The following GABRG2 variants were observed in gnomAD, a reference collection of about 807,000 sequenced individuals.
The protein encoded by GABRG2 is gamma-aminobutyric acid type A receptor subunit gamma2, also known as gamma-aminobutyric acid receptor subunit gamma-2.
GABRG2 carries 16 observed loss-of-function variants against 56.4 expected under a neutral mutation model. The observed-to-expected ratio is 0.28, with a 90% CI of 0.19 to 0.43. GABRG2 has a LOEUF of 0.43. GABRG2 is among the 20% of genes least tolerant of loss of function. The pLI, the probability that GABRG2 is intolerant of heterozygous loss-of-function variation, is 1.00. For missense variants in GABRG2, 327 were observed against 582.7 expected, an observed-to-expected ratio of 0.56 and a Z score of 4.52; for synonymous variants, 208 against 205.5, an observed-to-expected ratio of 1.01 and a Z score of -0.10.
intron 7 of GABRG2, among the ~76,000 whole-genome samples, chr5:162,147,185 CTCTT>C (rs1320494602): frequency 6.6e-6 from 1 of 151,866 alleles, no homozygotes; most frequent in Non-Finnish European, 1.5e-5. Flanking sequence ...GTCTCTCTAC[CTCTT>C]TCTTTCTCTT....
At chr5:162,112,272 A>G (rs1762303628) in intron 6 of GABRG2, among the ~76,000 whole-genome samples, 1 of 151,646 alleles carries the variant, frequency 6.6e-6, no homozygotes, top group South Asian at 2.1e-4. Flanking sequence ...TTTTTTTTTT[A>G]ATCCAAGTTG....
intron 1 of GABRG2, among the ~76,000 whole-genome samples, chr5:162,081,813 T>C (rs933170616): frequency 4.6e-5 from 7 of 151,970 alleles, no homozygotes; most frequent in South Asian, 2.1e-4. Context: ...ATAGCTAGTA[T>C]GAATGAAAAT....
intron 6 of GABRG2, among the ~76,000 whole-genome samples, chr5:162,113,297 G>C (rs1369883593): frequency 6.6e-6 from 1 of 152,064 alleles, no homozygotes; most frequent in African/African-American, 2.4e-5. Context: ...GTGCTTTACA[G>C]TTAACATAGA....
chr5:162,090,384 C>G (rs1760479639), intron 1 of GABRG2, among the ~76,000 whole-genome samples: 1 of 151,748 alleles, frequency 6.6e-6, no homozygotes, highest in Non-Finnish European at 1.5e-5. Context: ...TGCCACTGGT[C>G]TAACCACTCT....
intron 1 of GABRG2, among the ~76,000 whole-genome samples, chr5:162,070,827 A>G (rs2113106568): frequency 6.6e-6 from 1 of 152,106 alleles, no homozygotes; most frequent in Non-Finnish European, 1.5e-5. Context: ...TTGAATCATT[A>G]TGTCTGGGGA....
intron 6 of GABRG2, among the ~76,000 whole-genome samples, chr5:162,138,193 T>G (rs1248609666): frequency 6.6e-6 from 1 of 152,200 alleles, no homozygotes; most frequent in African/African-American, 2.4e-5. Context: ...TATTCTATAG[T>G]TTTCATTCTG....
At chr5:162,078,390 TATATA>T (rs1424163793) in intron 1 of GABRG2, among the ~76,000 whole-genome samples, 1,195 of 42,888 alleles carry the variant, frequency 0.028, 33 homozygotes, top group East Asian at 0.063. Context: ...TATATATATA[TATATA>T]TATTTTTTTT....
chr5:162,125,086 T>C (rs1426564079), intron 6 of GABRG2, among the ~76,000 whole-genome samples: 1 of 151,682 alleles, frequency 6.6e-6, no homozygotes, highest in Non-Finnish European at 1.5e-5. Flanking sequence ...CTGTCTTCAA[T>C]AGTTCTTATA....
At chr5:162,152,821 T>G (rs1045467563) in intron 9 of GABRG2, 1 of 595,580 alleles carries the variant, frequency 1.7e-6, no homozygotes, top group Non-Finnish European at 3.0e-6. Flanking sequence ...TTTAAATATT[T>G]AACTTTGAGT....
At chr5:162,100,769 T>C (rs1040233243) in intron 4 of GABRG2, among the ~76,000 whole-genome samples, 4 of 152,194 alleles carry the variant, frequency 2.6e-5, no homozygotes, top group African/African-American at 9.6e-5. Context: ...ACACTCACCT[T>C]TAGCAATTAA....
intron 1 of GABRG2, among the ~76,000 whole-genome samples, chr5:162,071,576 G>A (rs1581284955): frequency 6.6e-6 from 1 of 151,728 alleles, no homozygotes; most frequent in African/African-American, 2.4e-5. Flanking sequence ...TTTTGATGAT[G>A]TTTCTTATGA....
rs774474550 is a variant in GABRG2, at chr5:162,153,238, G to A, written c.1298G>A (p.Arg433Gln). The A allele has an allele frequency of 3.7e-6, 6 of 1,614,060 alleles. No individual in the cohort carries two copies. Among genetic ancestry groups the A allele is most frequent in the East Asian group, 2.2e-5 (1 of 44,872 alleles). Residue 433 changes from arginine (R) to glutamine (Q), a missense_variant, in exon 10 of 10, where the codon CGA (arginine) becomes CAA (glutamine). Transcript: ENST00000639213. ...TTTTTCTGCTGTTTTGAAGATTGTC[G>A]AACAGGAGCTTGGAGACATGGGAGG... ...ASFFCCFEDC[R>Q]TGAWRHGRIH...
intron 9 of GABRG2, chr5:162,151,984 A>G (rs373835838): frequency 2.4e-6 from 1 of 425,290 alleles, no homozygotes; most frequent in Non-Finnish European, 4.1e-6. Flanking sequence ...GTGAGATGTC[A>G]TAGGTAAAGA....
chr5:162,096,925 T>C (rs1005881940), intron 3 of GABRG2, among the ~76,000 whole-genome samples: 1 of 152,086 alleles, frequency 6.6e-6, no homozygotes, highest in African/African-American at 2.4e-5. Context: ...AACAAGTAAA[T>C]AGTGTAAGTA....
At chr5:162,149,057 C>T (rs368940063) in intron 7 of GABRG2, 51 bp from the exon 8 acceptor site, 4 of 1,562,234 alleles carry the variant, frequency 2.6e-6, no homozygotes, top group Non-Finnish European at 3.5e-6. Flanking sequence ...GACTCAGTTA[C>T]CCAACTTGCT....
intron 9 of GABRG2, 70 bp from the exon 10 acceptor site, chr5:162,153,023 T>G: frequency 1.3e-6 from 2 of 1,574,384 alleles, no homozygotes; most frequent in East Asian, 4.5e-5. Flanking sequence ...TTGGTGACAT[T>G]GTGGAAAAAC....
At chr5:162,139,360 G>GT (rs1000177549) in intron 6 of GABRG2, among the ~76,000 whole-genome samples, 6 of 152,022 alleles carry the variant, frequency 3.9e-5, no homozygotes, top group African/African-American at 1.4e-4. Context: ...TAGCCCAAGA[G>GT]TTTTCAGGAA....
intron 1 of GABRG2, among the ~76,000 whole-genome samples, chr5:162,087,241 C>G (rs1208489437): frequency 6.6e-6 from 1 of 152,064 alleles, no homozygotes; most frequent in Non-Finnish European, 1.5e-5. Flanking sequence ...CACGTTTTCC[C>G]TCCTCACCTT....
intron 1 of GABRG2, among the ~76,000 whole-genome samples, chr5:162,078,979 A>C (rs977532775): frequency 2.7e-5 from 4 of 150,104 alleles, no homozygotes. Flanking sequence ...TTAATAATTA[A>C]ATTTATTTAA....
Sources: gnomAD v4.1 joint callset for allele counts (sites outside exome capture counted in the v4.1 genomes callset) on GRCh38, gnomAD v4.1.1 for gene constraint, MANE v1.5 for transcripts, NCBI Gene and HGNC (gene_info 2026-07-23, HGNC 2026-07-21) for gene names.